DCLK1: variants seen among roughly 807,000 people sequenced by gnomAD.
DCLK1 encodes doublecortin like kinase 1, also known as serine/threonine-protein kinase DCLK1.
A neutral mutation model predicts 86.2 loss-of-function variants in DCLK1; 16 were observed. The observed-to-expected ratio is 0.19, with a 90% CI of 0.13 to 0.28. The LOEUF is 0.28. DCLK1 is among the 10% of genes least tolerant of loss of function. The pLI is 1.00. For synonymous variants in DCLK1, 369 were observed against 370.5 expected, an observed-to-expected ratio of 1.00 and a Z score of 0.05; for missense variants, 590 against 940.2, an observed-to-expected ratio of 0.63 and a Z score of 4.87.
rs2087071086 is a variant in DCLK1 at position 35,808,313 on chromosome 13, C to T, written c.1774G>A (p.Asp592Asn). ...TGATCAAAAAGCACCTCCTGGTCATCACCACTTCTGTTTAGGTGAACGACA... is the reference window on the plus strand; with the variant it reads ...TGATCAAAAAGCACCTCCTGGTCATTACCACTTCTGTTTAGGTGAACGACA... ...CGFPPFRGSG[D>N]DQEVLFDQIL... The change falls in exon 14 of 17, where the codon GAT becomes AAT. Residue 592 changes from aspartate (D) to asparagine (N), a missense_variant. Physicochemically the swap from Asp to Asn is conservative, Grantham distance 23. Coordinates refer to ENST00000360631, the MANE Select transcript of DCLK1 (RefSeq NM_001330071.2). The T allele has an allele frequency of 1.2e-6, 2 of 1,613,972 alleles. No individual in the cohort carries two copies. The highest frequency in any genetic ancestry group is 1.7e-6 in the Non-Finnish European group (2 of 1,179,950).
At chr13:36,096,459 A>G (rs1306278298) in intron 3 of DCLK1, among the ~76,000 whole-genome samples, 1 of 152,260 alleles carries the variant, frequency 6.6e-6, no homozygotes, top group East Asian at 1.9e-4. Flanking sequence ...CCCCAGGTGC[A>G]GCTTTACTGT....
chr13:35,798,545 C>A (rs2086857832), intron 15 of DCLK1, among the ~76,000 whole-genome samples: 1 of 152,178 alleles, frequency 6.6e-6, no homozygotes, highest in Non-Finnish European at 1.5e-5. Flanking sequence ...TGTTAACCAT[C>A]CCCACCTGCA....
At chr13:36,091,610 A>G (rs1279306666) in intron 3 of DCLK1, among the ~76,000 whole-genome samples, 2 of 152,240 alleles carry the variant, frequency 1.3e-5, no homozygotes, top group Non-Finnish European at 2.9e-5. Flanking sequence ...TTATAAAGTT[A>G]GTCCAGAAAA....
chr13:35,933,056 T>C (rs984014489), intron 4 of DCLK1, among the ~76,000 whole-genome samples: 4 of 152,154 alleles, frequency 2.6e-5, no homozygotes, highest in African/African-American at 9.7e-5. Flanking sequence ...TGGGAGAAAT[T>C]GGCCAAAACA....
At chr13:36,085,979 A>G (rs1423867028) in intron 3 of DCLK1, among the ~76,000 whole-genome samples, 1 of 152,208 alleles carries the variant, frequency 6.6e-6, no homozygotes, top group East Asian at 1.9e-4. Context: ...TCTGTGAAGA[A>G]ATCTTTAAAG....
At chr13:36,081,015 A>C (rs1884402433) in intron 3 of DCLK1, among the ~76,000 whole-genome samples, 2 of 152,114 alleles carry the variant, frequency 1.3e-5, no homozygotes, top group South Asian at 4.1e-4. Flanking sequence ...CTGTCCTAAA[A>C]TGTCAATAGT....
At chr13:35,940,324 T>C (rs1182511325) in intron 4 of DCLK1, among the ~76,000 whole-genome samples, 1 of 148,790 alleles carries the variant, frequency 6.7e-6, no homozygotes, top group Admixed American at 6.7e-5. Flanking sequence ...GTATGAAGGG[T>C]CACATCTGAC....
intron 4 of DCLK1, among the ~76,000 whole-genome samples, chr13:35,942,489 G>T (rs1025803326): frequency 6.6e-6 from 1 of 152,114 alleles, no homozygotes; most frequent in African/African-American, 2.4e-5. Context: ...GGCCTCAAAA[G>T]GACACTTCTA....
intron 4 of DCLK1, among the ~76,000 whole-genome samples, chr13:35,923,701 A>C (rs1171056): frequency 0.2 from 29,707 of 151,962 alleles, 4,059 homozygotes; most frequent in African/African-American, 0.39. Flanking sequence ...CCTGCTATCT[A>C]TTTCTATATG....
intron 6 of DCLK1, among the ~76,000 whole-genome samples, chr13:35,851,044 C>T (rs1029152548): frequency 6.6e-6 from 1 of 152,100 alleles, no homozygotes; most frequent in African/African-American, 2.4e-5. Flanking sequence ...TTGCATGGCC[C>T]CTGAGGTCTG....
chr13:36,090,725 G>A (rs1463744973), intron 3 of DCLK1, among the ~76,000 whole-genome samples: 1 of 152,168 alleles, frequency 6.6e-6, no homozygotes, highest in Non-Finnish European at 1.5e-5. Context: ...GATCGGAGGA[G>A]CCACTGAATG....
intron 3 of DCLK1, among the ~76,000 whole-genome samples, chr13:36,057,970 A>G (rs1460589091): frequency 6.6e-6 from 1 of 152,196 alleles, no homozygotes; most frequent in Non-Finnish European, 1.5e-5. Flanking sequence ...GGGGGATAAG[A>G]CAAGTTGTAT....
chr13:35,771,910 T>C lies in DCLK1; in HGVS notation c.*2625A>G, dbSNP rs540973259. ...CCACTTAATTATTTCAAACTTGAAC[T>C]ATCCCAAGAATGTCGAGAAAAAAAT... On this transcript the variant is annotated 3_prime_UTR_variant, in exon 17 of 17. Transcript: ENST00000360631. The C allele has an allele frequency of 6.6e-6, 1 of 152,368 alleles. No individual in the cohort carries two copies. Among genetic ancestry groups the C allele is most frequent in the African/African-American group, 2.4e-5 (1 of 41,600 alleles). 9.4% of individuals were successfully genotyped at this position (152,368 alleles called of 1,614,324 possible). A position where few individuals can be genotyped will look rare whatever the true frequency, so the allele number is the denominator to read the frequency against.
Position 35,910,765 on chromosome 13 carries a change from T to A in DCLK1, c.823+36593A>T, listed in dbSNP as rs188607513. 2.6e-5 allele frequency among the ~76,000 whole-genome samples: 4 copies of A among 152,304 alleles called. No individual in the cohort carries two copies. In the East Asian group the frequency reaches 7.7e-4, roughly 29 times the overall value. Reference sequence around the variant, plus strand: ...GACATCCAGAGAACAGACCAGAAATTGCTGGAGGCAGGAAGCGGGGAATTT... The same window carrying A: ...GACATCCAGAGAACAGACCAGAAATAGCTGGAGGCAGGAAGCGGGGAATTT... On this transcript the variant is annotated intron_variant, in intron 4 of 16. Transcript: ENST00000360631.
intron 11 of DCLK1, among the ~76,000 whole-genome samples, chr13:35,814,948 T>C (rs2087235776): frequency 6.6e-6 from 1 of 152,250 alleles, no homozygotes; most frequent in Non-Finnish European, 1.5e-5. Flanking sequence ...CTCTAGGGTT[T>C]ATTATATGGC....
At chr13:35,928,023 A>C (rs1876224732) in intron 4 of DCLK1, among the ~76,000 whole-genome samples, 1 of 152,196 alleles carries the variant, frequency 6.6e-6, no homozygotes, top group Non-Finnish European at 1.5e-5. Flanking sequence ...CTGTCGCTTC[A>C]ACTGGCTAGC....
At chr13:36,003,896 T>C (rs527995340) in intron 3 of DCLK1, among the ~76,000 whole-genome samples, 2 of 152,324 alleles carry the variant, frequency 1.3e-5, no homozygotes, top group East Asian at 3.9e-4. Context: ...CACATATTGC[T>C]TTTGCAATTA....
intron 3 of DCLK1, among the ~76,000 whole-genome samples, chr13:35,981,395 C>T (rs1050610786): frequency 2.6e-5 from 4 of 152,022 alleles, no homozygotes; most frequent in African/African-American, 4.8e-5. Context: ...TTCCCATAGA[C>T]CTCCTGTCCC....
At chr13:35,864,738 A>T (rs1051229627) in intron 5 of DCLK1, among the ~76,000 whole-genome samples, 28 of 149,468 alleles carry the variant, frequency 1.9e-4, no homozygotes, top group African/African-American at 5.7e-4. Flanking sequence ...CTTTAGCCTC[A>T]AACTCCTAGG....
Sources: gnomAD v4.1 joint callset for allele counts (sites outside exome capture counted in the v4.1 genomes callset) on GRCh38, gnomAD v4.1.1 for gene constraint, MANE v1.5 for transcripts, NCBI Gene and HGNC (gene_info 2026-07-23, HGNC 2026-07-21) for gene names.